The following LTF variants were observed in gnomAD, a reference collection of about 807,000 sequenced individuals.
LTF encodes epididymis luminal protein 110.
In LTF, 91 loss-of-function variants were observed where a neutral mutation model predicts 87.2. The observed-to-expected ratio is 1.04, with a 90% CI of 0.88 to 1.24. LTF has a LOEUF of 1.24. Ranked by LOEUF, LTF falls within the 50% of genes most tolerant of loss-of-function variation. LTF has a pLI of 0.00. For missense variants in LTF, 901 were observed against 904.3 expected (o/e 1.00, Z 0.05); for synonymous variants, 378 against 356.1 (o/e 1.06, Z -0.69).
At chr3:46,460,425 A>G (rs2106895828) in intron 1 of LTF, 1 of 363,928 alleles carries the variant, frequency 2.7e-6, no homozygotes, top group Middle Eastern at 6.5e-4. Context: ...TGCCTGAGCT[A>G]CCACCATTCA....
intron 13 of LTF, among the ~76,000 whole-genome samples, chr3:46,442,740 G>A (rs1180214817): frequency 6.6e-6 from 1 of 152,046 alleles, no homozygotes; most frequent in Non-Finnish European, 1.5e-5. Flanking sequence ...AAAAAGTTCA[G>A]ACACCCTCAG....
intron 5 of LTF, 142 bp from the exon 6 acceptor site, chr3:46,454,502 G>T: frequency 1.3e-6 from 1 of 752,758 alleles, no homozygotes; most frequent in East Asian, 2.5e-5. Context: ...CATCCCAGCT[G>T]GGAAGGTAGG....
chr3:46,477,191 A>G (rs1366376182), intron 1 of LTF, among the ~76,000 whole-genome samples: 2 of 152,054 alleles, frequency 1.3e-5, no homozygotes, highest in Non-Finnish European at 2.9e-5. Flanking sequence ...CATTTCAGCC[A>G]CTCTGTTTGG....
chr3:46,441,351 C>A, intron 14 of LTF, 65 bp downstream of exon 14: 1 of 1,305,988 alleles, frequency 7.7e-7, no homozygotes, highest in East Asian at 2.4e-5. Context: ...CAAATCTGAA[C>A]ACTAAGATGT....
chr3:46,477,812 T>A (rs538845862), intron 1 of LTF, among the ~76,000 whole-genome samples: 9 of 152,338 alleles, frequency 5.9e-5, no homozygotes, highest in African/African-American at 2.2e-4. Context: ...TTCCATGCAT[T>A]TCTGGTCCCC....
rs1446000575 is a variant in LTF, at chr3:46,455,230, A to G, written c.647+65T>C. 8 of 1,598,234 alleles carry G rather than the reference A, an allele frequency of 5.0e-6. No individual in the cohort carries two copies. In the East Asian group the frequency reaches 1.6e-4, roughly 31 times the overall value. ...CTGGGCTCTATGTGGGGCCAGAGAAAAGGCCTCCCGGCCTGAGGCCAAGGG... is the reference window on the plus strand; with the variant it reads ...CTGGGCTCTATGTGGGGCCAGAGAAGAGGCCTCCCGGCCTGAGGCCAAGGG... On this transcript the variant is annotated intron_variant, in intron 5 of 16. Transcript: ENST00000231751.
rs1702463079 is a variant in LTF at position 46,439,442 on chromosome 3, C to A, written c.1762G>T (p.Ala588Ser). Residue 588 changes from alanine to serine, a missense_variant, in exon 15 of 17, where the codon GCA becomes TCA. Coordinates refer to ENST00000231751, the MANE Select transcript of LTF (RefSeq NM_002343.6). ...TCGAGGCACAGCAGCGCAAAGTCTGCCAGCTTCAAATCCTTAGCCCATGCC... is the reference window on the plus strand; with the variant it reads ...TCGAGGCACAGCAGCGCAAAGTCTGACAGCTTCAAATCCTTAGCCCATGCC... ...NEAWAKDLKL[A>S]DFALLCLDGK... is the part of the protein sequence containing the mutation. The A allele has an allele frequency of 6.2e-7, 1 of 1,613,512 alleles. No individual in the cohort carries two copies. Among genetic ancestry groups the A allele is most frequent in the African/African-American group, 1.3e-5 (1 of 75,008 alleles).
At chr3:46,439,831 C>T (rs1303155572) in intron 14 of LTF, among the ~76,000 whole-genome samples, 4 of 152,110 alleles carry the variant, frequency 2.6e-5, no homozygotes, top group Non-Finnish European at 5.9e-5. Flanking sequence ...AATCCCAGCC[C>T]TTTGGAGGCC....
chr3:46,460,695 A>T (rs976006437), intron 1 of LTF: 2 of 423,018 alleles, frequency 4.7e-6, no homozygotes, highest in Non-Finnish European at 9.6e-6. Context: ...CTTCTATTCA[A>T]CAGTACTAGA....
At position 46,445,992 on chromosome 3, in the gene LTF, T is replaced by C. The variant is rs141666997; in HGVS notation, c.1357+448A>G. On this transcript the variant is annotated intron_variant, in intron 11 of 16. Transcript: ENST00000231751. ...AGACACCCACCAAGGGCAAGTCTTT[T>C]CTGAAACTGAGCAAGCACCAGCTCT... Among the ~76,000 whole-genome samples, 81 of 152,338 alleles carry C rather than the reference T, an allele frequency of 5.3e-4. No individual in the cohort carries two copies. The East Asian group carries it at 0.014, about 27-fold the overall frequency.
chr3:46,464,680 G>A lies in LTF; in HGVS notation c.43+145C>T, dbSNP rs1039270383. ...GGGAAAGAGACTGGCCCCGCGTCCG[G>A]GCCGCCTCCCGGCTGTAGGCGCTGG... On this transcript the variant is annotated intron_variant, in intron 1 of 16. Coordinates refer to ENST00000231751, the MANE Select transcript of LTF (RefSeq NM_002343.6). 4 of 809,090 alleles carry A rather than the reference G, an allele frequency of 4.9e-6. No individual in the cohort carries two copies. In the African/African-American group the frequency reaches 5.2e-5, roughly 11 times the overall value. The allele number at this position is 809,090 out of a possible 1,614,324, so 50.1% of individuals were successfully genotyped here. A position where few individuals can be genotyped will look rare whatever the true frequency, so the allele number is the denominator to read the frequency against.
At chr3:46,457,944 A>ATTT (rs11410006) in intron 2 of LTF, among the ~76,000 whole-genome samples, 4 of 147,080 alleles carry the variant, frequency 2.7e-5, no homozygotes, top group African/African-American at 1.0e-4. Context: ...TGCCTGGCTA[A>ATTT]TTTTTTTTTT....
At chr3:46,463,012 G>GC (rs976861888) in intron 1 of LTF, among the ~76,000 whole-genome samples, 2 of 152,080 alleles carry the variant, frequency 1.3e-5, no homozygotes, top group Admixed American at 1.3e-4. Flanking sequence ...CCAGTCCCCA[G>GC]CCCCCCAAAC....
chr3:46,481,584 C>T (rs1252187259), intron 1 of LTF, among the ~76,000 whole-genome samples: 1 of 152,182 alleles, frequency 6.6e-6, no homozygotes, highest in African/African-American at 2.4e-5. Context: ...AACCCCATCT[C>T]TACTAAAGAT....
intron 2 of LTF, among the ~76,000 whole-genome samples, chr3:46,457,425 T>G (rs1045320905): frequency 6.6e-6 from 1 of 152,254 alleles, no homozygotes; most frequent in Admixed American, 6.5e-5. Flanking sequence ...GTGTTTTTCC[T>G]TGTGACCACT....
chr3:46,460,671 G>A (rs1703058985), intron 1 of LTF: 1 of 443,246 alleles, frequency 2.3e-6, no homozygotes, highest in Non-Finnish European at 4.5e-6. Context: ...ATGAGAGAGT[G>A]TCCACACTCA....
In LTF at chr3:46,436,077, G is replaced by A. The variant is rs1332309295; in HGVS notation, c.*118C>T. On this transcript the variant is annotated 3_prime_UTR_variant, in exon 17 of 17. Transcript: ENST00000231751. ...CGACAGCAGGGAATTGTAAGCAGAT[G>A]GATGGGCAATCCCCACCTTCAGCAG... 1 of 924,986 alleles carries A rather than the reference G, an allele frequency of 1.1e-6. No individual in the cohort carries two copies. The highest frequency in any genetic ancestry group is 1.8e-6 in the Non-Finnish European group (1 of 569,402). The allele number at this position is 924,986 out of a possible 1,614,324, so 57.3% of individuals were successfully genotyped here.
At chr3:46,441,918 AGAGAGAGAGAGAGAGAGTGT>A (rs1702522714) in intron 13 of LTF, 1 of 126,372 alleles carries the variant, frequency 7.9e-6, no homozygotes, top group Non-Finnish European at 1.5e-5. Context: ...AGAGAGAGAG[AGAGAGAGAGAGAGAGAGTGT>A]GTGTGTGTGT....
intron 10 of LTF, 103 bp downstream of exon 10, chr3:46,447,205 C>T: frequency 1.3e-6 from 1 of 785,086 alleles, no homozygotes; most frequent in Non-Finnish European, 2.2e-6. Flanking sequence ...TTGAATGTAT[C>T]TGTTCATCAT....
Sources: allele counts gnomAD v4.1 joint callset (sites outside exome capture counted in the v4.1 genomes callset), GRCh38; gene constraint gnomAD v4.1.1; transcripts MANE v1.5; gene names NCBI Gene and HGNC (gene_info 2026-07-23, HGNC 2026-07-21).